The following ADAMTS18 variants were observed in gnomAD, a reference collection of about 807,000 sequenced individuals.
The protein encoded by ADAMTS18 is ADAM metallopeptidase with thrombospondin type 1 motif 18.
In ADAMTS18, 157 loss-of-function variants were observed where a neutral mutation model predicts 165.9. The ratio of observed to expected loss-of-function variants is 0.95; its 90% CI spans 0.83 to 1.08. ADAMTS18 has a LOEUF of 1.08. ADAMTS18 is among the 50% of genes least tolerant of loss of function. The probability of loss-of-function intolerance (pLI) is 0.00; values close to 1 mark genes in which losing one functional copy is unlikely to be tolerated. For synonymous variants in ADAMTS18, 782 were observed against 578.2 expected, an observed-to-expected ratio of 1.35 and a Z score of -5.06; for missense variants, 2,040 against 1,534.0, an observed-to-expected ratio of 1.33 and a Z score of -5.51.
At chr16:77,388,735 G>C (rs8053491) in intron 3 of ADAMTS18, among the ~76,000 whole-genome samples, 75,760 of 152,036 alleles carry the variant, frequency 0.5, 19,422 homozygotes, top group East Asian at 0.8. Context: ...TTTCTTGATT[G>C]ACTGGTTGTT....
intron 8 of ADAMTS18, among the ~76,000 whole-genome samples, chr16:77,358,485 C>G (rs901380465): frequency 6.6e-6 from 1 of 152,106 alleles, no homozygotes; most frequent in African/African-American, 2.4e-5. Flanking sequence ...TCACTTGAAC[C>G]CGGGAGGCGG....
At chr16:77,314,643 G>A (rs1377226162) in intron 16 of ADAMTS18, among the ~76,000 whole-genome samples, 1 of 121,166 alleles carries the variant, frequency 8.3e-6, no homozygotes, top group East Asian at 2.0e-4. Flanking sequence ...GTATGTGTGT[G>A]TGTGTGTATA....
intron 12 of ADAMTS18, among the ~76,000 whole-genome samples, chr16:77,327,250 T>C (rs1278154415): frequency 6.6e-6 from 1 of 152,200 alleles, no homozygotes; most frequent in Admixed American, 6.5e-5. Context: ...AGTTCTTTAG[T>C]AGTCATTTCT....
rs145323761 is a variant in ADAMTS18, at chr16:77,398,146, G to A, written c.496-30423C>T. Reference sequence around the variant, plus strand: ...AGCCTGGCCAACATGATGAAATATCGTCTCTACTAAAAATACAAAAATTAG... The same window carrying A: ...AGCCTGGCCAACATGATGAAATATCATCTCTACTAAAAATACAAAAATTAG... On this transcript the variant is annotated intron_variant, in intron 3 of 22. Transcript: ENST00000282849. 5.1e-3 allele frequency among the ~76,000 whole-genome samples: 773 copies of A among 152,034 alleles called. 9 individuals are homozygous for A. The highest frequency in any genetic ancestry group is 0.017 in the African/African-American group (702 of 41,484).
chr16:77,391,500 A>C (rs2057186921), intron 3 of ADAMTS18, among the ~76,000 whole-genome samples: 1 of 152,030 alleles, frequency 6.6e-6, no homozygotes, highest in Non-Finnish European at 1.5e-5. Context: ...TCAAAAAAAA[A>C]AAAAACAAGA....
At chr16:77,380,632 G>C (rs1290927733) in intron 3 of ADAMTS18, among the ~76,000 whole-genome samples, 1 of 152,104 alleles carries the variant, frequency 6.6e-6, no homozygotes, top group African/African-American at 2.4e-5. Flanking sequence ...ATGTTAAAAT[G>C]CATATAGTTT....
chr16:77,346,367 G>A (rs1276476477), intron 10 of ADAMTS18, among the ~76,000 whole-genome samples: 1 of 151,864 alleles, frequency 6.6e-6, no homozygotes, highest in Non-Finnish European at 1.5e-5. Context: ...TACAAAGTAG[G>A]CTTCAGTAAA....
intron 3 of ADAMTS18, among the ~76,000 whole-genome samples, chr16:77,411,201 A>G (rs2057458070): frequency 6.6e-6 from 1 of 152,180 alleles, no homozygotes; most frequent in Non-Finnish European, 1.5e-5. Context: ...ACTCGCTGCC[A>G]TCCTGCTGGG....
At chr16:77,415,585 T>A (rs551508068) in intron 3 of ADAMTS18, among the ~76,000 whole-genome samples, 1 of 152,246 alleles carries the variant, frequency 6.6e-6, no homozygotes, top group South Asian at 2.1e-4. Context: ...GTCAACGATA[T>A]CTGATGTTCT....
At chr16:77,288,205 G>T (rs1226946571) in intron 22 of ADAMTS18, among the ~76,000 whole-genome samples, 1 of 152,052 alleles carries the variant, frequency 6.6e-6, no homozygotes, top group African/African-American at 2.4e-5. Context: ...AGATACTGTT[G>T]GGCAATTTCA....
chr16:77,415,444 C>T (rs1345990024), intron 3 of ADAMTS18, among the ~76,000 whole-genome samples: 2 of 152,204 alleles, frequency 1.3e-5, no homozygotes, highest in African/African-American at 4.8e-5. Flanking sequence ...ACCCTACTCT[C>T]AGGGGGCAAG....
At chr16:77,355,919 C>G in intron 9 of ADAMTS18, 21 bp downstream of exon 9, 3 of 1,613,792 alleles carry the variant, frequency 1.9e-6, no homozygotes, top group Non-Finnish European at 2.5e-6. Flanking sequence ...TAGGAGCACC[C>G]CAGGATTTAA....
chr16:77,297,332 C>G lies in ADAMTS18; in HGVS notation c.2758G>C (p.Val920Leu). 6.2e-7 allele frequency: 1 copy of G among 1,614,154 alleles called. No individual in the cohort carries two copies. The highest frequency in any genetic ancestry group is 8.5e-7 in the Non-Finnish European group (1 of 1,180,016). The change falls in exon 18 of 23, where the codon GTA becomes CTA. Residue 920 changes from valine (V) to leucine (L), a missense_variant. Transcript: ENST00000282849. ...GCGTTGCAGATTTTGGGCTCAGTTA[C>G]TGGCTTGGTTTTTGCACTGCAGAAT... ...SSFCSAKTKPVTEPKICNAFS... is the reference protein window; with the variant it reads ...SSFCSAKTKPLTEPKICNAFS...
intron 4 of ADAMTS18, among the ~76,000 whole-genome samples, chr16:77,364,969 G>A (rs966278929): frequency 5.3e-5 from 8 of 152,062 alleles, no homozygotes; most frequent in Non-Finnish European, 8.8e-5. Context: ...AGTCATGCAT[G>A]GTGGTGCATG....
chr16:77,384,398 C>G (rs948939201), intron 3 of ADAMTS18, among the ~76,000 whole-genome samples: 1 of 152,158 alleles, frequency 6.6e-6, no homozygotes, highest in African/African-American at 2.4e-5. Flanking sequence ...ACATAAATCC[C>G]TGGCAAAGCA....
rs550024615 is a variant in ADAMTS18 at position 77,286,794 on chromosome 16, C to G, written c.3550+2470G>C. Among the ~76,000 whole-genome samples, 3 of 152,196 alleles carry G rather than the reference C, an allele frequency of 2.0e-5. No homozygotes were observed. In the East Asian group the frequency reaches 5.8e-4, roughly 29 times the overall value. On this transcript the variant is annotated intron_variant, in intron 22 of 22. Transcript: ENST00000282849. ...AGGTAGCTTCCAGACACGTAAACAC[C>G]CAGTTTCAATGCAGTGTGACACAAG... is the stretch of plus-strand genomic sequence containing the variant.
chr16:77,420,304 C>A (rs543727765), intron 3 of ADAMTS18, among the ~76,000 whole-genome samples: 24 of 152,210 alleles, frequency 1.6e-4, no homozygotes, highest in Admixed American at 1.4e-3. Flanking sequence ...AGCTGTGACA[C>A]CACCATGTCT....
chr16:77,343,265 G>A (rs1208879845), intron 10 of ADAMTS18, among the ~76,000 whole-genome samples: 1 of 152,102 alleles, frequency 6.6e-6, no homozygotes, highest in Non-Finnish European at 1.5e-5. Context: ...GTAGAGACGT[G>A]GTTTCACCAC....
intron 4 of ADAMTS18, among the ~76,000 whole-genome samples, chr16:77,365,266 G>A (rs1157604714): frequency 6.6e-6 from 1 of 152,102 alleles, no homozygotes; most frequent in Non-Finnish European, 1.5e-5. Flanking sequence ...AGCAGAAAAT[G>A]CTCATTTTAC....
Sources: allele counts gnomAD v4.1 joint callset (sites outside exome capture counted in the v4.1 genomes callset), GRCh38; gene constraint gnomAD v4.1.1; transcripts MANE v1.5; gene names NCBI Gene and HGNC (gene_info 2026-07-23, HGNC 2026-07-21).